TMEM94: variants seen among roughly 807,000 people sequenced by gnomAD.
TMEM94 encodes the protein ER Mg2+ ATPase.
In TMEM94, 81 loss-of-function variants were observed where a neutral mutation model predicts 158.6. The ratio of observed to expected loss-of-function variants is 0.51; its 90% CI spans 0.43 to 0.61. The LOEUF (loss-of-function observed/expected upper bound fraction) is 0.61, where lower values mean the gene tolerates loss of function less well. Ranked by LOEUF, TMEM94 falls within the 20% of genes least tolerant of loss-of-function variation. The pLI, the probability that TMEM94 is intolerant of heterozygous loss-of-function variation, is 0.00. For synonymous variants in TMEM94, 751 were observed against 730.7 expected (o/e 1.03, Z -0.45); for missense variants, 1,435 against 1,762.0 (o/e 0.81, Z 3.32).
chr17:75,477,732 C>T (rs1366396261), intron 2 of TMEM94, among the ~76,000 whole-genome samples: 1 of 151,748 alleles, frequency 6.6e-6, no homozygotes, highest in African/African-American at 2.4e-5. Context: ...ACAGGGCGGC[C>T]GGGCGCAGTG....
At chr17:75,478,003 CTTTTTTTTTTTTTTTT>C (rs909668190) in intron 2 of TMEM94, among the ~76,000 whole-genome samples, 2 of 57,916 alleles carry the variant, frequency 3.5e-5, no homozygotes, top group South Asian at 6.9e-4. Flanking sequence ...GAGACTCCAT[CTTTTTTTTTTTTTTTT>C]TTTTTTTTTT....
In TMEM94 at chr17:75,496,455, T is replaced by G; in HGVS notation, c.3227T>G (p.Ile1076Ser). 1 of 1,612,572 alleles carries G rather than the reference T, an allele frequency of 6.2e-7. No individual in the cohort carries two copies. The highest frequency in any genetic ancestry group is 8.5e-7 in the Non-Finnish European group (1 of 1,179,352). The change falls in exon 24 of 32, where the codon ATC becomes AGC. Residue 1076 changes from isoleucine (I) to serine (S), a missense_variant. By Grantham distance (142) the Ile-to-Ser change is moderately radical (BLOSUM62 -2). This residue lies in a region of TMEM94 where 335 missense variants were observed against 409.1 expected (regional missense o/e 0.82). Coordinates refer to ENST00000314256, the MANE Select transcript of TMEM94 (RefSeq NM_014738.6). ...TFRQEETISIIRLIEQARHAT... is the reference protein window; with the variant it reads ...TFRQEETISISRLIEQARHAT... ...CGCCAGGAGGAGACCATCAGCATCA[T>G]CCGGCTTATCGAACAGGTGGGTGCT...
chr17:75,492,368 C>G lies in TMEM94; in HGVS notation c.1597-106C>G. 1 of 1,459,238 alleles carries G rather than the reference C, an allele frequency of 6.9e-7. No individual in the cohort carries two copies. The highest frequency in any genetic ancestry group is 9.0e-7 in the Non-Finnish European group (1 of 1,106,066). 90.4% of individuals were successfully genotyped at this position (1,459,238 alleles called of 1,614,324 possible). ...CAGCAGCTCTCTCCTGGGAAGGGTG[C>G]CTTTCAGGGGCAGGAGCCCTCCCCA... On this transcript the variant is annotated intron_variant, in intron 14 of 31. Coordinates refer to ENST00000314256, the MANE Select transcript of TMEM94 (RefSeq NM_014738.6). This position sits in a 1 kb window ranked among gnomAD's most constrained non-coding sequence, Gnocchi z 4.4.
chr17:75,483,600 C>T (rs2051349799), intron 2 of TMEM94, among the ~76,000 whole-genome samples: 1 of 152,062 alleles, frequency 6.6e-6, no homozygotes, highest in African/African-American at 2.4e-5. Flanking sequence ...GCTGGGATTA[C>T]ATGCATGCAC....
intron 1 of TMEM94, among the ~76,000 whole-genome samples, chr17:75,467,699 A>G (rs1232244915): frequency 6.8e-6 from 1 of 147,160 alleles, no homozygotes; most frequent in Non-Finnish European, 1.5e-5. Flanking sequence ...CGCCCGGCTA[A>G]TTTTTTGTAT....
At chr17:75,461,061 G>A (rs1324035642) in intron 1 of TMEM94, among the ~76,000 whole-genome samples, 1 of 148,764 alleles carries the variant, frequency 6.7e-6, no homozygotes, top group Non-Finnish European at 1.5e-5. Context: ...CATATAAGAG[G>A]AATCATACAA....
intron 1 of TMEM94, among the ~76,000 whole-genome samples, chr17:75,460,044 A>G (rs1435552605): frequency 6.6e-6 from 1 of 152,106 alleles, no homozygotes; most frequent in African/African-American, 2.4e-5. Context: ...GTGGCCACTG[A>G]GACGGTAGTA....
intron 4 of TMEM94, 97 bp from the exon 5 acceptor site, chr17:75,486,193 C>T: frequency 6.4e-7 from 1 of 1,552,002 alleles, no homozygotes; most frequent in Non-Finnish European, 8.8e-7. Context: ...AGTCTTTCCA[C>T]AAGGGACTGG....
rs1567981178 is a variant in TMEM94, at chr17:75,498,280, C to CGGG, written c.3596_3598dup (p.Arg1199_Asp1200insGly). 9 of 1,613,440 alleles carry CGGG rather than the reference C, an allele frequency of 5.6e-6. No individual in the cohort carries two copies. In the East Asian group the frequency reaches 1.6e-4, roughly 28 times the overall value. On this transcript the variant is annotated inframe_insertion, in exon 28 of 32. Coordinates refer to ENST00000314256, the MANE Select transcript of TMEM94 (RefSeq NM_014738.6). The surrounding 1 kb of genome is among the most constrained non-coding windows in gnomAD (Gnocchi z 6.7). ...ACTGCAGAGCTTCTGTGACAGCTCC[C>CGGG]GGGACCGCAACCTCACCAACTGCTC... is the stretch of plus-strand genomic sequence containing the variant.
chr17:75,496,941 C>A, intron 25 of TMEM94, 134 bp downstream of exon 25: 1 of 1,106,148 alleles, frequency 9.0e-7, no homozygotes, highest in Non-Finnish European at 1.3e-6. Flanking sequence ...TGTGAAGCCC[C>A]TGGGCTTTTT....
At chr17:75,497,302 C>A in intron 26 of TMEM94, 104 bp downstream of exon 26, 1 of 785,972 alleles carries the variant, frequency 1.3e-6, no homozygotes, top group Non-Finnish European at 2.2e-6. Flanking sequence ...GCTCAGGTCT[C>A]ACCTCCTCTG....
Position 75,496,687 on chromosome 17 carries a change from G to A in TMEM94, c.3244-43G>A, listed in dbSNP as rs777660237. 35 of 1,586,938 alleles carry A rather than the reference G, an allele frequency of 2.2e-5. No homozygotes were observed. In the East Asian group the frequency reaches 3.6e-4, roughly 16 times the overall value. ...GTGTCAGCTGTTGGGCCTGGGAGAG[G>A]CCAGGTAGACCCAGGCCATAATCTG... On this transcript the variant is annotated intron_variant, in intron 24 of 31. Transcript: ENST00000314256.
intron 1 of TMEM94, among the ~76,000 whole-genome samples, chr17:75,457,899 C>T (rs2049943188): frequency 6.6e-6 from 1 of 152,082 alleles, no homozygotes; most frequent in Admixed American, 6.6e-5. Flanking sequence ...CCTGACTCCC[C>T]TGAGCTCTTG....
chr17:75,469,303 T>C (rs1447745258), intron 1 of TMEM94, among the ~76,000 whole-genome samples: 1 of 151,692 alleles, frequency 6.6e-6, no homozygotes, highest in Non-Finnish European at 1.5e-5. Flanking sequence ...CCAACTTACA[T>C]ATCTAGATTT....
In TMEM94 at chr17:75,487,084, C is replaced by T. The variant is rs200196981; in HGVS notation, c.409+658C>T. Among the ~76,000 whole-genome samples, 8 of 152,136 alleles carry T rather than the reference C, an allele frequency of 5.3e-5. No individual in the cohort carries two copies. Among genetic ancestry groups the T allele is most frequent in the South Asian group, 2.1e-4 (1 of 4,828 alleles). On this transcript the variant is annotated intron_variant, in intron 5 of 31. Coordinates refer to ENST00000314256, the MANE Select transcript of TMEM94 (RefSeq NM_014738.6). The surrounding 1 kb of genome is among the most constrained non-coding windows in gnomAD (Gnocchi z 4.6). ...TAGATGCTAAGTGAGTTTGTCCTTTCGTTCTGAGATGGTTAATTGCCACCA... is the reference window on the plus strand; with the variant it reads ...TAGATGCTAAGTGAGTTTGTCCTTTTGTTCTGAGATGGTTAATTGCCACCA...
Position 75,489,658 on chromosome 17 carries a change from T to C in TMEM94, c.950T>C (p.Leu317Pro). ...TCCTGGCAGTACACCCTCCTCCAGC[T>C]CCAGGCAAGGACCACCCTGTCCTCT... ...VTSWQYTLLQ[L>P]QVNGVLPILP... The change falls in exon 9 of 32, where the codon CTC becomes CCC. Residue 317 changes from leucine to proline, a missense_variant. By Grantham distance (98) the Leu-to-Pro change is moderately conservative. Coordinates refer to ENST00000314256, the MANE Select transcript of TMEM94 (RefSeq NM_014738.6). This position sits in a 1 kb window ranked among gnomAD's most constrained non-coding sequence, Gnocchi z 5.0. The C allele has an allele frequency of 6.2e-7, 1 of 1,613,058 alleles. No homozygotes were observed.
chr17:75,488,041 C>A lies in TMEM94; in HGVS notation c.519C>A (p.His173Gln), dbSNP rs756365503. The A allele has an allele frequency of 6.2e-7, 1 of 1,614,092 alleles. No homozygotes were observed. ...WSLHWAYRDG[H>Q]LVNLPVSLLV... ...TGCACTGGGCCTACAGAGACGGACACCTGGTCAACCTGCCAGTCAGCCTGC... is the reference window on the plus strand; with the variant it reads ...TGCACTGGGCCTACAGAGACGGACAACTGGTCAACCTGCCAGTCAGCCTGC... The change falls in exon 6 of 32, where the codon CAC (histidine) becomes CAA (glutamine). Residue 173 changes from histidine (H) to glutamine (Q), a missense_variant. This residue lies in a region of TMEM94 where 1,051 missense variants were observed against 1,254.4 expected (regional missense o/e 0.84). Transcript: ENST00000314256.
At chr17:75,472,096 A>G (rs2050522342) in intron 2 of TMEM94, 167 bp downstream of exon 2, 1 of 641,950 alleles carries the variant, frequency 1.6e-6, no homozygotes, top group Admixed American at 2.6e-5. Context: ...CTTGGCTGGA[A>G]AGCACAGACT....
At chr17:75,474,367 G>A (rs2146277509) in intron 2 of TMEM94, among the ~76,000 whole-genome samples, 1 of 152,002 alleles carries the variant, frequency 6.6e-6, no homozygotes, top group Non-Finnish European at 1.5e-5. Context: ...TTAGCTGGGT[G>A]TGGTGGCACA....
Sources: gnomAD v4.1 joint callset for allele counts (sites outside exome capture counted in the v4.1 genomes callset) on GRCh38, gnomAD v4.1.1 for gene constraint, gnomAD v4.1.1 regional missense constraint, Gnocchi (gnomAD v3.1) non-coding constraint, MANE v1.5 for transcripts, NCBI Gene and HGNC (gene_info 2026-07-23, HGNC 2026-07-21) for gene names.